Variants in MACF1 observed in about 807,000 individuals in gnomAD.
The protein encoded by MACF1 is microtubule actin crosslinking factor 1.
Under a neutral mutation model 854.8 loss-of-function variants are expected in MACF1, and 193 were observed. The ratio of observed to expected loss-of-function variants is 0.23; its 90% CI spans 0.20 to 0.25. MACF1 has a LOEUF of 0.25. MACF1 is among the 10% of genes least tolerant of loss of function. MACF1 has a pLI of 1.00. For missense variants in MACF1, 7,722 were observed against 8,929.1 expected (o/e 0.86, Z 5.45); for synonymous variants, 3,185 against 3,226.7 (o/e 0.99, Z 0.44).
chr1:39,474,027 G>A (rs1644827736), intron 97 of MACF1, among the ~76,000 whole-genome samples: 1 of 152,098 alleles, frequency 6.6e-6, no homozygotes, highest in South Asian at 2.1e-4. Flanking sequence ...GCCTAGTAGG[G>A]AAGATCACTT....
At chr1:39,209,699 A>T (rs1010399376) in intron 1 of MACF1, among the ~76,000 whole-genome samples, 3 of 152,098 alleles carry the variant, frequency 2.0e-5, no homozygotes, top group Non-Finnish European at 4.4e-5. Context: ...CCTAAGATCA[A>T]TTATAAAATG....
At chr1:39,427,910 C>T (rs764103725) in intron 62 of MACF1, 51 bp from the exon 63 acceptor site, 22 of 1,373,282 alleles carry the variant, frequency 1.6e-5, no homozygotes, top group Non-Finnish European at 2.2e-5. Flanking sequence ...TTTGTGTTTA[C>T]TTTTCATTTA....
At chr1:39,267,070 C>T (rs1473791291) in intron 6 of MACF1, among the ~76,000 whole-genome samples, 5 of 152,180 alleles carry the variant, frequency 3.3e-5, no homozygotes. Flanking sequence ...TCTTATTTTA[C>T]ACAACTGGCA....
At chr1:39,195,943 G>C (rs1433713261) in intron 2 of MACF1, among the ~76,000 whole-genome samples, 3 of 152,128 alleles carry the variant, frequency 2.0e-5, no homozygotes, top group African/African-American at 4.8e-5. Flanking sequence ...CCAAGGTTTC[G>C]TACAGTCTGA....
intron 31 of MACF1, among the ~76,000 whole-genome samples, chr1:39,322,371 T>C (rs1395354728): frequency 6.6e-6 from 1 of 152,152 alleles, no homozygotes; most frequent in Admixed American, 6.5e-5. Context: ...ATAAATAAAG[T>C]TTTATTCTAA....
chr1:39,377,884 A>G (rs532139901), intron 52 of MACF1, among the ~76,000 whole-genome samples: 1 of 152,114 alleles, frequency 6.6e-6, no homozygotes, highest in Admixed American at 6.5e-5. Flanking sequence ...GGCGCCTGTA[A>G]TCCCAGCTGT....
rs1422189945 is a variant in MACF1 at position 39,429,338 on chromosome 1, AGT to A, written c.16888+17_16888+18del. ...AAAACAAACCACAGGTACTTTGAAA[AGT>A]GTGTCTCTTAGCACCCCTATGGTCT... On this transcript the variant is annotated intron_variant, in intron 64 of 100. Coordinates refer to ENST00000564288, the MANE Select transcript of MACF1 (RefSeq NM_001394062.1). The A allele has an allele frequency of 6.7e-7, 1 of 1,493,222 alleles. No individual in the cohort carries two copies. The highest frequency in any genetic ancestry group is 1.1e-5 in the South Asian group (1 of 87,976). The allele number at this position is 1,493,222 out of a possible 1,614,324, so 92.5% of individuals were successfully genotyped here. A position where few individuals can be genotyped will look rare whatever the true frequency, so the allele number is the denominator to read the frequency against.
chr1:39,234,935 TC>T (rs1644841320), intron 2 of MACF1, among the ~76,000 whole-genome samples: 1 of 150,160 alleles, frequency 6.7e-6, no homozygotes, highest in African/African-American at 2.5e-5. Flanking sequence ...GCTCCTCACT[TC>T]CTAGATGTGA....
chr1:39,465,176 G>C, intron 95 of MACF1, 64 bp downstream of exon 95: 1 of 1,504,710 alleles, frequency 6.6e-7, no homozygotes, highest in Non-Finnish European at 9.3e-7. Context: ...AATGCTGCCT[G>C]TTCTTCGCTA....
chr1:39,134,166 G>A (rs1268067229), intron 2 of MACF1, among the ~76,000 whole-genome samples: 4 of 149,314 alleles, frequency 2.7e-5, no homozygotes, highest in South Asian at 4.3e-4. Flanking sequence ...TCAGCCTCCC[G>A]AGTAGCTGGG....
chr1:39,469,515 G>C, intron 96 of MACF1, 32 bp from the exon 97 acceptor site: 1 of 1,511,074 alleles, frequency 6.6e-7, no homozygotes. Flanking sequence ...TGCCCTGTCT[G>C]TTTCTTTCTG....
chr1:39,097,701 G>A (rs890534605), intron 2 of MACF1, among the ~76,000 whole-genome samples: 1 of 151,442 alleles, frequency 6.6e-6, no homozygotes, highest in Non-Finnish European at 1.5e-5. Flanking sequence ...TAGCCTGGGT[G>A]ACAAAGTGAA....
chr1:39,485,249 A>T, intron 100 of MACF1: 2 of 387,720 alleles, frequency 5.2e-6, no homozygotes, highest in Non-Finnish European at 9.2e-6. Flanking sequence ...AGGCTCACCC[A>T]CCTGTGCTGA....
chr1:39,319,466 A>G, intron 30 of MACF1, among the ~76,000 whole-genome samples, 198 bp from the exon 31 acceptor site: 1 of 152,194 alleles, frequency 6.6e-6, no homozygotes, highest in Middle Eastern at 3.2e-3. Flanking sequence ...AAAAGACAAA[A>G]AAGTGCAAAT....
At chr1:39,284,457 T>G (rs780155278) in intron 11 of MACF1, 29 bp downstream of exon 11, 11 of 1,445,840 alleles carry the variant, frequency 7.6e-6, no homozygotes, top group Non-Finnish European at 9.4e-7. Context: ...TGCTGAGACT[T>G]GGGGTTTGCT....
At chr1:39,382,924 C>T (rs966039920) in intron 56 of MACF1, among the ~76,000 whole-genome samples, 2 of 151,710 alleles carry the variant, frequency 1.3e-5, no homozygotes, top group Non-Finnish European at 2.9e-5. Flanking sequence ...AGTTCAAGAC[C>T]AGCCTGGCCA....
At chr1:39,432,391 G>T in intron 66 of MACF1, 144 bp from the exon 67 acceptor site, 1 of 632,252 alleles carries the variant, frequency 1.6e-6, no homozygotes, top group Non-Finnish European at 2.6e-6. Context: ...GTGATTTTAT[G>T]AAATTCTTCC....
At chr1:39,215,747 A>C (rs1010188305) in intron 1 of MACF1, among the ~76,000 whole-genome samples, 3 of 144,344 alleles carry the variant, frequency 2.1e-5, no homozygotes, top group African/African-American at 5.1e-5. Context: ...GAAAGTCCAG[A>C]GTGTATTTTT....
chr1:39,357,291 G>A, intron 44 of MACF1, 84 bp from the exon 45 acceptor site: 1 of 1,413,698 alleles, frequency 7.1e-7, no homozygotes, highest in Non-Finnish European at 9.7e-7. Context: ...CTCACATGGA[G>A]TATGAAGTCC....
Sources: gnomAD v4.1 joint callset for allele counts (sites outside exome capture counted in the v4.1 genomes callset) on GRCh38, gnomAD v4.1.1 for gene constraint, MANE v1.5 for transcripts, NCBI Gene and HGNC (gene_info 2026-07-23, HGNC 2026-07-21) for gene names.